The following MCF2 variants were observed in gnomAD, a reference collection of about 807,000 sequenced individuals.
MCF2 encodes MCF.2 cell line derived transforming sequence, also known as proto-oncogene DBL.
In MCF2, 44 loss-of-function variants were observed where a neutral mutation model predicts 82.5. The ratio of observed to expected loss-of-function variants is 0.53; its 90% confidence interval spans 0.42 to 0.69. MCF2 has a LOEUF of 0.69. Ranked by LOEUF, MCF2 falls within the 30% of genes least tolerant of loss-of-function variation. The pLI, the probability that MCF2 is intolerant of heterozygous loss-of-function variation, is 0.00. For missense variants in MCF2, 623 were observed against 663.1 expected (o/e 0.94, Z 0.66); for synonymous variants, 217 against 224.9 (o/e 0.96, Z 0.32).
intron 1 of MCF2, among the ~76,000 whole-genome samples, chrX:139,639,676 C>G (rs115662061): frequency 1.8e-5 from 2 of 111,521 alleles, no homozygotes; most frequent in African/African-American, 6.5e-5. Context: ...ATTTCACTAC[C>G]GAAGTCTAGA....
At chrX:139,667,809 C>T (rs1200112103) in intron 1 of MCF2, among the ~76,000 whole-genome samples, 1 of 111,669 alleles carries the variant, frequency 9.0e-6, no homozygotes, top group Non-Finnish European at 1.9e-5. Flanking sequence ...GTGGTGAGCA[C>T]ATGTAACTCT....
At chrX:139,647,366 C>T (rs1345897164), upstream of MCF2, among the ~76,000 whole-genome samples, 1 of 111,544 alleles carries the variant, frequency 9.0e-6, no homozygotes, top group Non-Finnish European at 1.9e-5. Flanking sequence ...AGGTGATGGT[C>T]TAATGTGTTT....
chrX:139,645,413 C>T (rs1199924384), upstream of MCF2, among the ~76,000 whole-genome samples: 1 of 111,234 alleles, frequency 9.0e-6, no homozygotes, highest in Non-Finnish European at 1.9e-5. Context: ...TTATTTATCT[C>T]AGTCTCTGCT....
chrX:139,626,493 C>G, intron 5 of MCF2, 130 bp downstream of exon 8: 1 of 735,942 alleles, frequency 1.4e-6, no homozygotes, highest in Non-Finnish European at 2.0e-6. Context: ...TGTAGGACAA[C>G]CTAGAAATAA....
chrX:139,678,806 T>C (rs1934934214), intron 1 of MCF2, among the ~76,000 whole-genome samples: 1 of 112,251 alleles, frequency 8.9e-6, no homozygotes, highest in African/African-American at 3.2e-5. Context: ...AAGCAACATT[T>C]TTTAAAAAAT....
chrX:139,605,368 T>A (rs1267772717), intron 13 of MCF2, among the ~76,000 whole-genome samples: 1 of 111,455 alleles, frequency 9.0e-6, no homozygotes, highest in Non-Finnish European at 1.9e-5. Context: ...CAAATTAATA[T>A]CATGACATTT....
chrX:139,594,593 T>A (rs1929867044), intron 19 of MCF2, among the ~76,000 whole-genome samples: 1 of 111,802 alleles, frequency 8.9e-6, no homozygotes, highest in Non-Finnish European at 1.9e-5. Flanking sequence ...GATTGAAGAC[T>A]TAAATGTTAG....
chrX:139,610,283 T>C lies in MCF2; in HGVS notation c.1401+18A>G, dbSNP rs1347227938. 9.0e-6 allele frequency: 10 copies of C among 1,105,246 alleles called. No homozygotes were observed. The African/African-American group carries it at 1.3e-4, about 14-fold the overall frequency. The allele number at this position is 1,105,246 out of a possible 1,213,427, so 91.1% of individuals were successfully genotyped here. On this transcript the variant is annotated intron_variant, in intron 11 of 24. Transcript: ENST00000370576. Reference sequence around the variant, plus strand: ...CTAAAGCAATAAAGTCAATTTTGAATTAATTAATGATATTTACTTTTAAGT... The same window carrying C: ...CTAAAGCAATAAAGTCAATTTTGAACTAATTAATGATATTTACTTTTAAGT...
chrX:139,635,655 G>A (rs1376415287), intron 1 of MCF2, among the ~76,000 whole-genome samples: 9 of 105,667 alleles, frequency 8.5e-5, no homozygotes, highest in East Asian at 2.9e-4. Context: ...AGACTCTGCC[G>A]AAAAAAAATA....
At chrX:139,594,683 A>G (rs1246745859) in intron 19 of MCF2, among the ~76,000 whole-genome samples, 1 of 110,131 alleles carries the variant, frequency 9.1e-6, no homozygotes. Flanking sequence ...CTTCATGTCT[A>G]AAACACCAAA....
intron 6 of MCF2, among the ~76,000 whole-genome samples, chrX:139,623,555 T>A (rs905922781): frequency 9.0e-6 from 1 of 111,019 alleles, no homozygotes; most frequent in Non-Finnish European, 1.9e-5. Flanking sequence ...GACAGAACAA[T>A]AAATGCTGGA....
At position 139,605,700 on chromosome X, in the gene MCF2, T is replaced by C. The variant is rs750800971; in HGVS notation, c.1557+13A>G. On this transcript the variant is annotated intron_variant, in intron 13 of 24. Transcript: ENST00000370576. ...CGGGAAAAGATAGGGCAAATACAAT[T>C]TGAGTCGCTTACCAACAAAACAGTA... The C allele has an allele frequency of 2.5e-6, 3 of 1,190,003 alleles. No individual in the cohort carries two copies. The highest frequency in any genetic ancestry group is 3.0e-5 in the East Asian group (1 of 33,029).
intron 19 of MCF2, among the ~76,000 whole-genome samples, chrX:139,593,440 C>T (rs1201175821): frequency 9.0e-6 from 1 of 110,781 alleles, no homozygotes; most frequent in Non-Finnish European, 1.9e-5. Flanking sequence ...GATTCACAGC[C>T]GAATTCTACC....
chrX:139,582,502 C>G, exon 25 of MCF2: 2 of 1,203,380 alleles, frequency 1.7e-6, no homozygotes, highest in South Asian at 3.5e-5. Flanking sequence ...CGACACAGGT[C>G]TCTACAAGGG....
chrX:139,626,072 GCCT>G (rs1932751639), intron 6 of MCF2, 118 bp downstream of exon 9: 1 of 373,268 alleles, frequency 2.7e-6, no homozygotes, highest in South Asian at 7.6e-5. Context: ...ATTTACATTT[GCCT>G]CCTTTTTTTT....
intron 1 of MCF2, among the ~76,000 whole-genome samples, chrX:139,691,583 C>T (rs1289191200): frequency 9.1e-6 from 1 of 110,463 alleles, no homozygotes; most frequent in African/African-American, 3.3e-5. Flanking sequence ...CCACGGTCCT[C>T]CTGCGGGACC....
At chrX:139,627,416 T>C (rs764345343) in intron 4 of MCF2, among the ~76,000 whole-genome samples, 1 of 112,255 alleles carries the variant, frequency 8.9e-6, no homozygotes, top group Non-Finnish European at 1.9e-5. Flanking sequence ...TTACTTCACA[T>C]TTAGGTTTAA....
intron 6 of MCF2, among the ~76,000 whole-genome samples, 195 bp from the exon 10 acceptor site, chrX:139,619,901 G>A (rs1932209400): frequency 9.2e-6 from 1 of 109,160 alleles, no homozygotes; most frequent in Non-Finnish European, 1.9e-5. Context: ...TACTCTTGAT[G>A]TATAAAAGAT....
At chrX:139,639,366 T>C (rs1365336065) in intron 1 of MCF2, among the ~76,000 whole-genome samples, 1 of 111,729 alleles carries the variant, frequency 9.0e-6, no homozygotes, top group Non-Finnish European at 1.9e-5. Flanking sequence ...CAGACATTTT[T>C]CTGGAGTTCC....
Sources: gnomAD v4.1 joint callset for allele counts (sites outside exome capture counted in the v4.1 genomes callset) on GRCh38, gnomAD v4.1.1 for gene constraint, MANE v1.5 for transcripts, NCBI Gene and HGNC (gene_info 2026-07-23, HGNC 2026-07-21) for gene names.